BTBD7: variants seen among roughly 807,000 people sequenced by gnomAD.
BTBD7 encodes BTB/POZ domain-containing protein 7.
A neutral mutation model predicts 99.9 loss-of-function variants in BTBD7; 38 were observed. That is an observed-to-expected ratio of 0.38 (90% CI 0.29 to 0.50). The LOEUF (loss-of-function observed/expected upper bound fraction) is 0.50, where lower values mean the gene tolerates loss of function less well. BTBD7 is among the 20% of genes least tolerant of loss of function. BTBD7 has a pLI of 0.93. For missense variants in BTBD7, 1,170 were observed against 1,394.6 expected (o/e 0.84, Z 2.57); for synonymous variants, 520 against 511.4 (o/e 1.02, Z -0.23).
intron 5 of BTBD7, among the ~76,000 whole-genome samples, chr14:93,258,386 T>C (rs921830785): frequency 6.6e-6 from 1 of 151,586 alleles, no homozygotes; most frequent in Non-Finnish European, 1.5e-5. Flanking sequence ...TTTCAAAATA[T>C]TTTTTTTTCT....
chr14:93,291,557 GGTATGGGGGAAAGAT>G (rs1313456841), intron 3 of BTBD7, among the ~76,000 whole-genome samples: 10 of 151,928 alleles, frequency 6.6e-5, no homozygotes, highest in African/African-American at 2.4e-4. Context: ...ATATTTCATG[GGTATGGGGGAAAGAT>G]ATGCCCCACA....
At chr14:93,293,317 C>T (rs913566608) in intron 3 of BTBD7, among the ~76,000 whole-genome samples, 3 of 152,148 alleles carry the variant, frequency 2.0e-5, no homozygotes, top group African/African-American at 7.2e-5. Flanking sequence ...GTGTTTTACA[C>T]GCTGTAGGCT....
Position 93,242,169 on chromosome 14 carries a change from A to C in BTBD7, c.*104T>G, listed in dbSNP as rs1272027873. The C allele has an allele frequency of 6.9e-6, 7 of 1,020,744 alleles. No individual in the cohort carries two copies. The African/African-American group carries it at 1.1e-4, about 16-fold the overall frequency. The allele number at this position is 1,020,744 out of a possible 1,614,324, so 63.2% of individuals were successfully genotyped here. A position where few individuals can be genotyped will look rare whatever the true frequency, so the allele number is the denominator to read the frequency against. ...AAAAACTAGAACAAAATCATGTGAAACCGAGTTATCAGCTGGCATTGATGA... is the reference window on the plus strand; with the variant it reads ...AAAAACTAGAACAAAATCATGTGAACCCGAGTTATCAGCTGGCATTGATGA... On this transcript the variant is annotated 3_prime_UTR_variant, in exon 11 of 11. Transcript: ENST00000334746.
Position 93,255,085 on chromosome 14 carries a change from G to C in BTBD7, c.1609-1295C>G, listed in dbSNP as rs558579703. ...CATTATCTAGTATTTAGAAAATAGA[G>C]AAAAAAGTCAATACTCATTACAACA... On this transcript the variant is annotated intron_variant, in intron 6 of 10. Coordinates refer to ENST00000334746, the MANE Select transcript of BTBD7 (RefSeq NM_001002860.4). Among the ~76,000 whole-genome samples the C allele has an allele frequency of 1.8e-4, 27 of 152,008 alleles. No homozygotes were observed. The East Asian group carries it at 4.2e-3, about 24-fold the overall frequency.
In BTBD7 at chr14:93,294,399, A is replaced by C. The variant is rs2052898103; in HGVS notation, c.621T>G (p.Phe207Leu). Residue 207 changes from phenylalanine to leucine, a missense_variant, in exon 3 of 11, where the codon TTT becomes TTG. By Grantham distance (22) the Phe-to-Leu change is conservative (BLOSUM62 0). Coordinates refer to ENST00000334746, the MANE Select transcript of BTBD7 (RefSeq NM_001002860.4). ...TTTGAAACCTTGAGTCCTCCATTCCAAACTCTCCTGTATAAAGGTAGTGTA... is the reference window on the plus strand; with the variant it reads ...TTTGAAACCTTGAGTCCTCCATTCCCAACTCTCCTGTATAAAGGTAGTGTA... ...ALLHYLYTGE[F>L]GMEDSRFQNV... 2 of 1,614,090 alleles carry C rather than the reference A, an allele frequency of 1.2e-6. No individual in the cohort carries two copies. The highest frequency in any genetic ancestry group is 1.7e-6 in the Non-Finnish European group (2 of 1,180,038).
chr14:93,319,845 TGA>T lies in BTBD7; in HGVS notation c.-107+12973_-107+12974del, dbSNP rs1176463954. ...ATAAAAATGAATAGGACAACACATA[TGA>T]GAGACAACATTAAGCACTAGGAAAT... is the stretch of plus-strand genomic sequence containing the variant. On this transcript the variant is annotated intron_variant, in intron 1 of 10. Transcript: ENST00000334746. Among the ~76,000 whole-genome samples, 6 of 152,204 alleles carry T rather than the reference TGA, an allele frequency of 3.9e-5. No homozygotes were observed. The South Asian group carries it at 1.0e-3, about 26-fold the overall frequency.
chr14:93,239,957 T>C lies in BTBD7; in HGVS notation c.*2316A>G, dbSNP rs1038237055. On this transcript the variant is annotated 3_prime_UTR_variant, in exon 11 of 11. Transcript: ENST00000334746. ...AGTCTTACTTGCAGTACCGGCGCAG[T>C]ACATGAACATGTCAACATACATATG... The C allele has an allele frequency of 6.6e-6, 1 of 152,164 alleles. No individual in the cohort carries two copies. Among genetic ancestry groups the C allele is most frequent in the African/African-American group, 2.4e-5 (1 of 41,424 alleles). The allele number at this position is 152,164 out of a possible 1,614,324, so 9.4% of individuals were successfully genotyped here.
chr14:93,266,061 C>G (rs2052538684), intron 3 of BTBD7, among the ~76,000 whole-genome samples: 1 of 152,210 alleles, frequency 6.6e-6, no homozygotes, highest in Admixed American at 6.5e-5. Context: ...AAAGACTGAT[C>G]AAAATGAAGC....
intron 1 of BTBD7, among the ~76,000 whole-genome samples, chr14:93,301,444 G>A (rs925039340): frequency 6.6e-6 from 1 of 152,002 alleles, no homozygotes; most frequent in African/African-American, 2.4e-5. Context: ...GTCTGCCTTG[G>A]CCTCCCAAAT....
Position 93,251,543 on chromosome 14 carries a change from T to A in BTBD7, c.1862A>T (p.Gln621Leu), listed in dbSNP as rs772826210. 3 of 1,613,962 alleles carry A rather than the reference T, an allele frequency of 1.9e-6. No homozygotes were observed. The highest frequency in any genetic ancestry group is 2.5e-6 in the Non-Finnish European group (3 of 1,179,944). ...CTGGTGGCTGATCATGTGACAACAC[T>A]GTGGCACGGCATTATTGACCATGTA... ...TLYMVNNAVPQCCHMISHQQI... is the reference protein window; with the variant it reads ...TLYMVNNAVPLCCHMISHQQI... Residue 621 changes from glutamine (Q) to leucine (L), a missense_variant, in exon 8 of 11, where the codon CAG becomes CTG. Gln to Leu is a moderately radical substitution (Grantham distance 113). Transcript: ENST00000334746.
rs144893090 is a variant in BTBD7, at chr14:93,321,580, A to G, written c.-107+11240T>C. Among the ~76,000 whole-genome samples, 1,511 of 152,300 alleles carry G rather than the reference A, an allele frequency of 9.9e-3. 13 individuals are homozygous for G. The highest frequency in any genetic ancestry group is 0.034 in the Middle Eastern group (10 of 294). On this transcript the variant is annotated intron_variant, in intron 1 of 10. Coordinates refer to ENST00000334746, the MANE Select transcript of BTBD7 (RefSeq NM_001002860.4). ...GGCACTCCAGCCTGGGCTACAGAGC[A>G]AGACTCCGTCACAAACAAACAAGCA...
intron 4 of BTBD7, 145 bp downstream of exon 4, chr14:93,263,640 A>T: frequency 4.3e-6 from 3 of 703,984 alleles, no homozygotes; most frequent in South Asian, 3.7e-5. Context: ...TTGTTGTACA[A>T]CTATGAAGAG....
At chr14:93,246,354 C>T (rs1438274745) in intron 9 of BTBD7, 68 bp from the exon 10 acceptor site, 1 of 1,422,900 alleles carries the variant, frequency 7.0e-7, no homozygotes, top group Non-Finnish European at 9.3e-7. Context: ...AATTTATAGG[C>T]TGAGAGAATT....
rs2052903260 is a variant in BTBD7, at chr14:93,294,727, A to C, written c.293T>G (p.Val98Gly). Residue 98 changes from valine (V) to glycine (G), a missense_variant, in exon 3 of 11, where the codon GTC (valine) becomes GGC (glycine). Coordinates refer to ENST00000334746, the MANE Select transcript of BTBD7 (RefSeq NM_001002860.4). ...ELLSGWDVRD[V>G]NALVEEYEGT... ...CTCATATTCCTCCACTAATGCATTG[A>C]CATCTCTAACATCCCACCCAGAGAG... 2.5e-6 allele frequency: 4 copies of C among 1,613,926 alleles called. No individual in the cohort carries two copies. The highest frequency in any genetic ancestry group is 3.4e-6 in the Non-Finnish European group (4 of 1,180,020).
At chr14:93,280,062 GTAGTT>G (rs2052701414) in intron 3 of BTBD7, among the ~76,000 whole-genome samples, 1 of 152,154 alleles carries the variant, frequency 6.6e-6, no homozygotes, top group African/African-American at 2.4e-5. Flanking sequence ...ACATCAAAAT[GTAGTT>G]TAGAAGTGGT....
Position 93,242,054 on chromosome 14 carries a change from T to C in BTBD7, c.*219A>G, listed in dbSNP as rs1188981278. 17 of 515,606 alleles carry C rather than the reference T, an allele frequency of 3.3e-5. No homozygotes were observed. The highest frequency in any genetic ancestry group is 5.7e-5 in the African/African-American group (3 of 52,430). The allele number at this position is 515,606 out of a possible 1,614,324, so 31.9% of individuals were successfully genotyped here. A position where few individuals can be genotyped will look rare whatever the true frequency, so the allele number is the denominator to read the frequency against. On this transcript the variant is annotated 3_prime_UTR_variant, in exon 11 of 11. Transcript: ENST00000334746. ...TTCTTAAAAATGCCTCCCGACATAA[T>C]TGTTCAAAGACAAATTAGACAGATG...
intron 3 of BTBD7, among the ~76,000 whole-genome samples, chr14:93,271,676 C>T (rs1186629792): frequency 6.6e-6 from 1 of 152,158 alleles, no homozygotes; most frequent in Non-Finnish European, 1.5e-5. Context: ...AGCTGCATCA[C>T]TAATTCTTGA....
chr14:93,313,679 T>TAC (rs57711099), intron 1 of BTBD7, among the ~76,000 whole-genome samples: 16,222 of 145,370 alleles, frequency 0.11, 945 homozygotes, highest in Middle Eastern at 0.14. Context: ...AAAATGAAAC[T>TAC]ACACACACAC....
chr14:93,326,452 A>G (rs1019063975), intron 1 of BTBD7, among the ~76,000 whole-genome samples: 4 of 152,054 alleles, frequency 2.6e-5, no homozygotes, highest in African/African-American at 9.7e-5. Flanking sequence ...ACAGAGCAAA[A>G]AGCCTCCTTC....
Sources: allele counts gnomAD v4.1 joint callset (sites outside exome capture counted in the v4.1 genomes callset), GRCh38; gene constraint gnomAD v4.1.1; transcripts MANE v1.5; gene names NCBI Gene and HGNC (gene_info 2026-07-23, HGNC 2026-07-21).